HUNK: variants seen among roughly 807,000 people sequenced by gnomAD.
The protein encoded by HUNK is hormonally up-regulated neu tumor-associated kinase.
A neutral mutation model predicts 61.0 loss-of-function variants in HUNK; 21 were observed. The observed-to-expected ratio is 0.34, with a 90% CI of 0.24 to 0.50. HUNK has a LOEUF of 0.50. HUNK is among the 20% of genes least tolerant of loss of function. The pLI, the probability that HUNK is intolerant of heterozygous loss-of-function variation, is 0.98. For missense variants in HUNK, 772 were observed against 945.7 expected (o/e 0.82, Z 2.41); for synonymous variants, 371 against 386.1 (o/e 0.96, Z 0.46).
chr21:31,910,935 C>T (rs1253211307), intron 1 of HUNK, among the ~76,000 whole-genome samples: 2 of 152,216 alleles, frequency 1.3e-5, no homozygotes, highest in East Asian at 3.8e-4. Context: ...TTCAACTTAG[C>T]ACTTGGCATG....
intron 6 of HUNK, among the ~76,000 whole-genome samples, chr21:31,973,645 T>C (rs571576737): frequency 6.6e-6 from 1 of 152,214 alleles, no homozygotes; most frequent in South Asian, 2.1e-4. Flanking sequence ...AGTGAGCATC[T>C]AGACACTGAA....
At chr21:31,894,761 T>A in intron 1 of HUNK, among the ~76,000 whole-genome samples, 1 of 152,228 alleles carries the variant, frequency 6.6e-6, no homozygotes, top group Non-Finnish European at 1.5e-5. Context: ...GCAGACAGCA[T>A]TGCGGGAGGA....
At chr21:31,984,664 G>C (rs1279771578) in intron 8 of HUNK, among the ~76,000 whole-genome samples, 1 of 152,180 alleles carries the variant, frequency 6.6e-6, no homozygotes, top group Admixed American at 6.5e-5. Context: ...GATCCAGGGA[G>C]GGGGCCAGGA....
At chr21:31,976,969 C>T (rs2053054718) in intron 7 of HUNK, among the ~76,000 whole-genome samples, 1 of 151,948 alleles carries the variant, frequency 6.6e-6, no homozygotes, top group Non-Finnish European at 1.5e-5. Context: ...TGGGGTTTTG[C>T]CATGTTGCCC....
intron 1 of HUNK, among the ~76,000 whole-genome samples, chr21:31,879,142 T>C (rs573880319): frequency 2.6e-5 from 4 of 152,350 alleles, no homozygotes; most frequent in Admixed American, 1.3e-4. Context: ...ATTTTAGAGG[T>C]GGCCTTTTGG....
At chr21:31,918,762 C>T (rs887482652) in intron 1 of HUNK, among the ~76,000 whole-genome samples, 1 of 152,224 alleles carries the variant, frequency 6.6e-6, no homozygotes, top group African/African-American at 2.4e-5. Flanking sequence ...AGGACAGCCT[C>T]CCCATCTGAA....
At chr21:31,909,778 TTAAA>T in intron 1 of HUNK, among the ~76,000 whole-genome samples, 1 of 152,344 alleles carries the variant, frequency 6.6e-6, no homozygotes, top group Middle Eastern at 3.4e-3. Flanking sequence ...CTGCTTTCTG[TTAAA>T]TAAGTATTGT....
rs866391729 is a variant in HUNK, at chr21:32,000,195, A to G, written c.*1011A>G. On this transcript the variant is annotated 3_prime_UTR_variant, in exon 11 of 11. Transcript: ENST00000270112. ...AGCATAACTCAGATGGCGAGAAGGCAGCATTATCTCTGTGCGATGCTGATT... is the reference window on the plus strand; with the variant it reads ...AGCATAACTCAGATGGCGAGAAGGCGGCATTATCTCTGTGCGATGCTGATT... 1.2e-4 allele frequency: 49 copies of G among 398,976 alleles called. No individual in the cohort carries two copies. In the Middle Eastern group the frequency reaches 2.5e-3, roughly 20 times the overall value. The allele number at this position is 398,976 out of a possible 1,614,324, so 24.7% of individuals were successfully genotyped here. A position where few individuals can be genotyped will look rare whatever the true frequency, so the allele number is the denominator to read the frequency against.
At chr21:31,931,117 GCCTTGGGGAGTTATGT>G (rs2052693777) in intron 2 of HUNK, among the ~76,000 whole-genome samples, 1 of 144,902 alleles carries the variant, frequency 6.9e-6, no homozygotes, top group South Asian at 2.2e-4. Context: ...AATGCCTGTT[GCCTTGGGGAGTTATGT>G]GCTTGGGGAG....
chr21:31,874,876 TG>T (rs1488640095), intron 1 of HUNK, among the ~76,000 whole-genome samples: 2 of 152,128 alleles, frequency 1.3e-5, no homozygotes, highest in African/African-American at 2.4e-5. Context: ...GCAGGTAAGA[TG>T]GAAGGTGTAA....
intron 1 of HUNK, among the ~76,000 whole-genome samples, chr21:31,910,550 G>T (rs535668491): frequency 6.7e-6 from 1 of 150,048 alleles, no homozygotes; most frequent in Non-Finnish European, 1.5e-5. Flanking sequence ...GTACAATGGC[G>T]CGATCTCGGC....
chr21:31,894,737 G>A (rs1443313844), intron 1 of HUNK, among the ~76,000 whole-genome samples: 1 of 152,194 alleles, frequency 6.6e-6, no homozygotes, highest in African/African-American at 2.4e-5. Context: ...GCTGCAAGGT[G>A]CATGGTTTAG....
At chr21:31,931,671 G>A (rs2052697446) in intron 2 of HUNK, among the ~76,000 whole-genome samples, 1 of 152,050 alleles carries the variant, frequency 6.6e-6, no homozygotes, top group Admixed American at 6.5e-5. Context: ...CCTCACTCGG[G>A]GTGTTCACTG....
At chr21:31,961,877 C>A (rs2052931476) in intron 5 of HUNK, among the ~76,000 whole-genome samples, 1 of 152,220 alleles carries the variant, frequency 6.6e-6, no homozygotes, top group Admixed American at 6.5e-5. Flanking sequence ...GCTGCCATTT[C>A]ATTGTATTAG....
chr21:31,988,951 C>T, intron 8 of HUNK, among the ~76,000 whole-genome samples: 1 of 151,972 alleles, frequency 6.6e-6, no homozygotes, highest in South Asian at 2.1e-4. Flanking sequence ...CCACCTCAGC[C>T]TCTCTAGTAG....
chr21:31,891,446 A>G (rs1448273466), intron 1 of HUNK, among the ~76,000 whole-genome samples: 1 of 152,214 alleles, frequency 6.6e-6, no homozygotes, highest in African/African-American at 2.4e-5. Context: ...ATTTGAACAT[A>G]CGAACACACC....
Position 31,873,910 on chromosome 21 carries a change from G to A in HUNK, c.236G>A (p.Gly79Glu). ...GGCTCCTTTGCCAAGGTGCGCGAGG[G>A]GCTGCACGTGCTGACCGGGGAGAAG... ...GEGSFAKVRE[G>E]LHVLTGEKVA... Residue 79 changes from glycine to glutamate, a missense_variant, in exon 1 of 11, where the codon GGG becomes GAG. Physicochemically the swap from Gly to Glu is moderately conservative, Grantham distance 98. Transcript: ENST00000270112. The surrounding 1 kb of genome is among the most constrained non-coding windows in gnomAD (Gnocchi z 6.1). The A allele has an allele frequency of 6.4e-7, 1 of 1,569,128 alleles. No homozygotes were observed. Among genetic ancestry groups the A allele is most frequent in the East Asian group, 2.5e-5 (1 of 40,814 alleles).
rs764940381 is a variant in HUNK at position 31,998,582 on chromosome 21, T to G, written c.1543T>G (p.Ser515Ala). The stretch of plus-strand genomic sequence containing the variant: ...AACCTCAGATTCCAATTGTGTGGCT[T>G]CTTCTTCCATGGAGTTCATCCCCGT... ...RKTSDSNCVA[S>A]SSMEFIPVPP... The change falls in exon 11 of 11, where the codon TCT becomes GCT. Residue 515 changes from serine to alanine, a missense_variant. By Grantham distance (99) the Ser-to-Ala change is moderately conservative. Around this residue, in one of 2 missense-constraint regions of HUNK, gnomAD observed 413 missense variants for 444.4 expected, o/e 0.93. Transcript: ENST00000270112. 1.3e-5 allele frequency: 21 copies of G among 1,610,420 alleles called. No homozygotes were observed. The highest frequency in any genetic ancestry group is 5.1e-5 in the Admixed American group (3 of 59,002).
intron 1 of HUNK, among the ~76,000 whole-genome samples, chr21:31,907,716 G>A (rs537703124): frequency 1.3e-5 from 2 of 152,312 alleles, no homozygotes; most frequent in African/African-American, 2.4e-5. Context: ...TGGGCCGGGC[G>A]TGCTGGCTCA....
Sources: allele counts gnomAD v4.1 joint callset (sites outside exome capture counted in the v4.1 genomes callset), GRCh38; gene constraint gnomAD v4.1.1; regional missense constraint gnomAD v4.1.1; non-coding constraint Gnocchi (gnomAD v3.1); transcripts MANE v1.5; gene names NCBI Gene and HGNC (gene_info 2026-07-23, HGNC 2026-07-21).